The following CATSPER2 variants were observed in gnomAD, a reference collection of about 807,000 sequenced individuals.
CATSPER2 encodes cation channel sperm associated 2.
In CATSPER2, 56 loss-of-function variants were observed where a neutral mutation model predicts 68.8. The observed-to-expected ratio is 0.81, with a 90% CI of 0.66 to 1.02. CATSPER2 has a LOEUF of 1.02. CATSPER2 is among the 50% of genes least tolerant of loss of function. The pLI is 0.00. For synonymous variants in CATSPER2, 198 were observed against 229.9 expected (o/e 0.86, Z 1.26); for missense variants, 582 against 642.0 (o/e 0.91, Z 1.01).
In CATSPER2 at chr15:43,636,150, C is replaced by T; in HGVS notation, c.912G>A (p.Gln304=). ...FTLDHWYALL[Q]DVWKVPEVSR... is the part of the protein sequence containing the mutation. ...TGACTTCAGGCACCTTCCAGACGTC[C>T]TGAAGCAGTGCATACCAATGATCCA... The change falls in exon 8 of 13, where the codon CAG becomes CAA. Residue 304 remains glutamine, a synonymous_variant. Transcript: ENST00000396879. 6.2e-7 allele frequency: 1 copy of T among 1,609,120 alleles called. No homozygotes were observed. The highest frequency in any genetic ancestry group is 8.5e-7 in the Non-Finnish European group (1 of 1,176,684).
At chr15:43,634,152 G>A (rs2085924753) in intron 10 of CATSPER2, 1 of 151,778 alleles carries the variant, frequency 6.6e-6, no homozygotes. Flanking sequence ...AGGCATTATT[G>A]TCTATTTTGT....
In CATSPER2 at chr15:43,632,669, G is replaced by A. The variant is rs767869190; in HGVS notation, c.1396+48C>T. ...TAAGACTAAGATGTCTTAAAGAGGA[G>A]TCTGAATTCAAATGGAAAAAACTCA... On this transcript the variant is annotated intron_variant, in intron 11 of 12. Coordinates refer to ENST00000396879, the MANE Select transcript of CATSPER2 (RefSeq NM_172095.4). The A allele has an allele frequency of 9.9e-6, 16 of 1,611,316 alleles. No individual in the cohort carries two copies. The Admixed American group carries it at 2.7e-4, about 27-fold the overall frequency.
At position 43,633,169 on chromosome 15, in the gene CATSPER2, G is replaced by A. The variant is rs1238934389; in HGVS notation, c.1179-235C>T. 2.5e-5 allele frequency: 14 copies of A among 559,564 alleles called. 2 individuals are homozygous for A. The highest frequency in any genetic ancestry group is 2.3e-4 in the South Asian group (11 of 48,668). 34.7% of individuals were successfully genotyped at this position (559,564 alleles called of 1,614,324 possible). The stretch of plus-strand genomic sequence containing the variant: ...AAGAAATCCTGCTGACTCTACCTTC[G>A]AAATATATCTTTTCTCAATAACTCA... On this transcript the variant is annotated intron_variant, in intron 10 of 12. Coordinates refer to ENST00000396879, the MANE Select transcript of CATSPER2 (RefSeq NM_172095.4).
At chr15:43,631,964 G>T (rs1595969608) in intron 12 of CATSPER2, among the ~76,000 whole-genome samples, 2 of 152,048 alleles carry the variant, frequency 1.3e-5, no homozygotes, top group Middle Eastern at 6.8e-3. Context: ...CATAGGATTT[G>T]GGTGTCCCCT....
At chr15:43,638,829 C>T in intron 7 of CATSPER2, 75 bp downstream of exon 7, 2 of 1,556,016 alleles carry the variant, frequency 1.3e-6, no homozygotes, top group Non-Finnish European at 1.8e-6. Context: ...TTTTATATTA[C>T]TATACTTTGG....
chr15:43,648,110 G>A, intron 1 of CATSPER2, 47 bp from the exon 2 acceptor site: 1 of 1,604,342 alleles, frequency 6.2e-7, no homozygotes, highest in South Asian at 1.1e-5. Flanking sequence ...TCTTGGAGCT[G>A]CACCAAGGAT....
At chr15:43,633,016 C>A (rs1397951476) in intron 10 of CATSPER2, 82 bp from the exon 11 acceptor site, 1 of 1,162,588 alleles carries the variant, frequency 8.6e-7, no homozygotes, top group East Asian at 2.5e-5. Flanking sequence ...CCCCTGGCCA[C>A]CCCCTAAAGC....
chr15:43,632,021 G>A (rs2085880425), intron 12 of CATSPER2, among the ~76,000 whole-genome samples, 178 bp downstream of exon 12: 1 of 151,928 alleles, frequency 6.6e-6, no homozygotes, highest in African/African-American at 2.4e-5. Flanking sequence ...AGGGAAAAGT[G>A]GGACACATTC....
intron 4 of CATSPER2, among the ~76,000 whole-genome samples, chr15:43,645,267 G>A (rs1432327520): frequency 2.0e-5 from 3 of 151,394 alleles, no homozygotes; most frequent in Non-Finnish European, 2.9e-5. Context: ...CATTGGCCAG[G>A]CTGGTCTCAA....
intron 4 of CATSPER2, among the ~76,000 whole-genome samples, chr15:43,644,273 C>A (rs2086122280): frequency 6.6e-6 from 1 of 151,894 alleles, no homozygotes; most frequent in African/African-American, 2.4e-5. Context: ...TCAAAGAAAT[C>A]TGTTAATCAC....
Position 43,636,192 on chromosome 15 carries a change from C to T in CATSPER2, c.870G>A (p.Val290=), listed in dbSNP as rs2085960769. The T allele has an allele frequency of 6.2e-7, 1 of 1,613,124 alleles. No individual in the cohort carries two copies. Among genetic ancestry groups the T allele is most frequent in the South Asian group, 1.1e-5 (1 of 90,996 alleles). The change falls in exon 8 of 13, where the codon GTG becomes GTA. Residue 290 remains valine, a synonymous_variant. Coordinates refer to ENST00000396879, the MANE Select transcript of CATSPER2 (RefSeq NM_172095.4). ...FSDLPNSLVT[V]FILFTLDHWY... The stretch of plus-strand genomic sequence containing the variant: ...AATGATCCAAGGTGAAGAGAATGAA[C>T]ACTGTTACCAGGGAATTCGGGAGGT...
rs771420666 is a variant in CATSPER2, at chr15:43,632,766, T to C, written c.1347A>G (p.Thr449=). 6.2e-7 allele frequency: 1 copy of C among 1,613,676 alleles called. No homozygotes were observed. ...EYQSSSCVSS[T]SSSYSSSSES... ...CAGAAGAGGAAGAATAGGAAGAGGA[T>C]GTGGAGGAGACACAGGAGGAAGACT... Residue 449 remains threonine, a synonymous_variant, in exon 11 of 13, where the codon ACA becomes ACG. Coordinates refer to ENST00000396879, the MANE Select transcript of CATSPER2 (RefSeq NM_172095.4).
chr15:43,642,946 A>T, intron 4 of CATSPER2: 1 of 152,068 alleles, frequency 6.6e-6, no homozygotes, highest in Non-Finnish European at 1.5e-5. Flanking sequence ...CTTAATGGAA[A>T]TAGAGACCAG....
At chr15:43,635,225 G>C (rs1345265813) in intron 10 of CATSPER2, 135 bp downstream of exon 10, 1 of 821,606 alleles carries the variant, frequency 1.2e-6, no homozygotes, top group Non-Finnish European at 2.1e-6. Flanking sequence ...ATTATTTCGG[G>C]TGCCACTAGT....
intron 7 of CATSPER2, among the ~76,000 whole-genome samples, chr15:43,638,246 G>A (rs1413329542): frequency 6.2e-5 from 9 of 144,362 alleles, no homozygotes; most frequent in Non-Finnish European, 1.3e-4. Context: ...GAGCCACTGT[G>A]CCCAGCCTAT....
chr15:43,647,853 C>T, intron 2 of CATSPER2, 64 bp downstream of exon 2: 1 of 1,571,910 alleles, frequency 6.4e-7, no homozygotes, highest in Admixed American at 1.7e-5. Flanking sequence ...ATTTTCCACT[C>T]TTAAATGTAG....
chr15:43,631,182 A>G (rs866359022), intron 12 of CATSPER2, among the ~76,000 whole-genome samples: 7 of 151,976 alleles, frequency 4.6e-5, no homozygotes, highest in Admixed American at 2.0e-4. Context: ...GTATGAGGGG[A>G]AAAACCCAGA....
rs184419046 is a variant in CATSPER2, at chr15:43,647,607, A to G, written c.146-140T>C. ...CCTTCTCTTCTCACAGCAACTAAGA[A>G]TTCTGTTTGGAGTGAGAGCAAATGT... On this transcript the variant is annotated intron_variant, in intron 2 of 12. Coordinates refer to ENST00000396879, the MANE Select transcript of CATSPER2 (RefSeq NM_172095.4). 7.0e-6 allele frequency: 6 copies of G among 851,554 alleles called. No homozygotes were observed. In the East Asian group the frequency reaches 7.3e-5, roughly 10 times the overall value. The allele number at this position is 851,554 out of a possible 1,614,324, so 52.7% of individuals were successfully genotyped here.
In CATSPER2 at chr15:43,631,949, T is replaced by TA. The variant is rs2085878869; in HGVS notation, c.1561+249dup. ...TCTCTTCTTGGGAAATAAGCTCTCA[T>TA]ACCTCATAGGATTTGGGTGTCCCCT... On this transcript the variant is annotated intron_variant, in intron 12 of 12. Coordinates refer to ENST00000396879, the MANE Select transcript of CATSPER2 (RefSeq NM_172095.4). Among the ~76,000 whole-genome samples, 8 of 151,996 alleles carry TA rather than the reference T, an allele frequency of 5.3e-5. No homozygotes were observed. The South Asian group carries it at 1.7e-3, about 32-fold the overall frequency.
Sources: gnomAD v4.1 joint callset for allele counts (sites outside exome capture counted in the v4.1 genomes callset) on GRCh38, gnomAD v4.1.1 for gene constraint, MANE v1.5 for transcripts, NCBI Gene and HGNC (gene_info 2026-07-23, HGNC 2026-07-21) for gene names.